Variants in SNX8 observed in about 807,000 individuals in gnomAD.
The protein encoded by SNX8 is sorting nexin-8.
In SNX8, 25 loss-of-function variants were observed where a neutral mutation model predicts 51.6. The ratio of observed to expected loss-of-function variants is 0.48; its 90% CI spans 0.35 to 0.68. SNX8 has a LOEUF of 0.68. Among genes scored for constraint, SNX8 ranks in the 30% least tolerant of loss-of-function variants. The pLI is 0.00. For synonymous variants in SNX8, 324 were observed against 277.0 expected (o/e 1.17, Z -1.68); for missense variants, 695 against 624.0 (o/e 1.11, Z -1.21).
At chr7:2,331,461 C>T (rs868379866) in intron 1 of SNX8, among the ~76,000 whole-genome samples, 2 of 151,910 alleles carry the variant, frequency 1.3e-5, no homozygotes, top group Admixed American at 1.3e-4. Flanking sequence ...AATCCCAGCA[C>T]TTTAGGAGGT....
chr7:2,303,073 C>T (rs1464269484), intron 1 of SNX8, among the ~76,000 whole-genome samples: 1 of 149,504 alleles, frequency 6.7e-6, no homozygotes, highest in Non-Finnish European at 1.5e-5. Flanking sequence ...GTCAGCCCCC[C>T]ACCCGGCCAG....
chr7:2,274,527 G>A (rs1795729194), intron 3 of SNX8, among the ~76,000 whole-genome samples: 1 of 152,380 alleles, frequency 6.6e-6, no homozygotes, highest in South Asian at 2.1e-4. Flanking sequence ...ACAGGCCTGG[G>A]GAGCAGCTCT....
chr7:2,319,754 G>T (rs1296610901), intron 1 of SNX8, among the ~76,000 whole-genome samples: 2 of 151,502 alleles, frequency 1.3e-5, no homozygotes, highest in African/African-American at 4.9e-5. Context: ...GCCGGAGCTT[G>T]CAGTGAGCTG....
At chr7:2,268,557 C>T (rs1187915169) in intron 5 of SNX8, among the ~76,000 whole-genome samples, 1 of 143,920 alleles carries the variant, frequency 6.9e-6, no homozygotes, top group African/African-American at 2.6e-5. Flanking sequence ...GTGGGGGGGT[C>T]AGCCCCCCGC....
At chr7:2,285,324 G>C (rs944143440) in intron 1 of SNX8, among the ~76,000 whole-genome samples, 11 of 151,856 alleles carry the variant, frequency 7.2e-5, no homozygotes, top group Non-Finnish European at 1.5e-4. Context: ...GGGAGGCAGA[G>C]GTTGCGGTGA....
chr7:2,314,483 C>G (rs1268216738), upstream of SNX8: 1 of 1,175,404 alleles, frequency 8.5e-7, no homozygotes, highest in Non-Finnish European at 1.1e-6. Flanking sequence ...CCTGCCGCGC[C>G]GCGCCCTCGC....
upstream of SNX8, among the ~76,000 whole-genome samples, chr7:2,317,429 C>T (rs1796774917): frequency 6.6e-6 from 1 of 151,440 alleles, no homozygotes; most frequent in African/African-American, 2.4e-5. Flanking sequence ...AGGCGTGTGC[C>T]ACCACACCCA....
At chr7:2,259,323 C>A (rs1286970297) in intron 7 of SNX8, among the ~76,000 whole-genome samples, 3 of 152,170 alleles carry the variant, frequency 2.0e-5, no homozygotes, top group Non-Finnish European at 4.4e-5. Context: ...GGCTCCGGTC[C>A]CCACAGCTCA....
upstream of SNX8, among the ~76,000 whole-genome samples, chr7:2,317,667 G>A (rs756458526): frequency 6.6e-6 from 1 of 151,938 alleles, no homozygotes; most frequent in Non-Finnish European, 1.5e-5. Flanking sequence ...CCTAGGAAGC[G>A]TCCCCTTCTC....
chr7:2,348,531 T>C (rs1390460213), intron 1 of SNX8, among the ~76,000 whole-genome samples: 1 of 151,422 alleles, frequency 6.6e-6, no homozygotes. Context: ...TCAGTAGAGA[T>C]GGGGTTTCAC....
chr7:2,298,452 C>T (rs13233723), intron 1 of SNX8, among the ~76,000 whole-genome samples: 5 of 151,770 alleles, frequency 3.3e-5, no homozygotes, highest in Non-Finnish European at 5.9e-5. Flanking sequence ...TCTCTGCAAC[C>T]GCAGCCTCCC....
chr7:2,257,381 T>G lies in SNX8; in HGVS notation c.1118A>C (p.Glu373Ala). 2 of 1,608,548 alleles carry G rather than the reference T, an allele frequency of 1.2e-6. No homozygotes were observed. Among genetic ancestry groups the G allele is most frequent in the South Asian group, 1.1e-5 (1 of 90,944 alleles). ...GCCACCCACCTCCACAATGCGGGAC[T>G]CCAGCTGCTCCACGGACTCCGGCTC... is the stretch of plus-strand genomic sequence containing the variant. ...NREPESVEQL[E>A]SRIVEQENAI... Residue 373 changes from glutamate (E) to alanine (A), a missense_variant, in exon 9 of 11, where the codon GAG becomes GCG. By Grantham distance (107) the Glu-to-Ala change is moderately radical (BLOSUM62 -1). Transcript: ENST00000222990.
At chr7:2,269,675 A>G (rs2115117395) in intron 4 of SNX8, 36 bp from the exon 5 acceptor site, 1 of 1,463,416 alleles carries the variant, frequency 6.8e-7, no homozygotes, top group Admixed American at 2.1e-5. Context: ...ACCCTCTTCT[A>G]CTAGCAGCAA....
chr7:2,275,444 A>C (rs948381327), intron 2 of SNX8, among the ~76,000 whole-genome samples: 5 of 152,216 alleles, frequency 3.3e-5, no homozygotes, highest in African/African-American at 1.2e-4. Flanking sequence ...TCCCGCCTGT[A>C]ATCTCAGCAT....
At chr7:2,329,520 G>A (rs1045057247) in intron 1 of SNX8, among the ~76,000 whole-genome samples, 11 of 152,072 alleles carry the variant, frequency 7.2e-5, no homozygotes, top group Admixed American at 1.3e-4. Context: ...TTGTCTGTTA[G>A]GCCTCGGGCA....
At chr7:2,298,354 T>C (rs1163797480) in intron 1 of SNX8, among the ~76,000 whole-genome samples, 1 of 152,020 alleles carries the variant, frequency 6.6e-6, no homozygotes, top group African/African-American at 2.4e-5. Context: ...TTTTTCGTTT[T>C]ATTTTTGGTT....
At chr7:2,286,865 G>T (rs190500596) in intron 1 of SNX8, among the ~76,000 whole-genome samples, 2 of 152,044 alleles carry the variant, frequency 1.3e-5, no homozygotes, top group Admixed American at 1.3e-4. Flanking sequence ...TTTTGGCCAG[G>T]CGAGGTGGCT....
At chr7:2,278,431 C>A in intron 1 of SNX8, 126 bp from the exon 2 acceptor site, 3 of 607,648 alleles carry the variant, frequency 4.9e-6, no homozygotes, top group Non-Finnish European at 8.6e-6. Context: ...ATCACTTGAG[C>A]CCTGGAGTTC....
chr7:2,269,732 T>C, intron 4 of SNX8, 93 bp from the exon 5 acceptor site: 2 of 736,872 alleles, frequency 2.7e-6, no homozygotes, highest in South Asian at 3.4e-5. Context: ...GAGGTCGTCT[T>C]TCCTCAGGAG....
Sources: allele counts gnomAD v4.1 joint callset (sites outside exome capture counted in the v4.1 genomes callset), GRCh38; gene constraint gnomAD v4.1.1; transcripts MANE v1.5; gene names NCBI Gene and HGNC (gene_info 2026-07-23, HGNC 2026-07-21).